The following KIF21A variants were observed in gnomAD, a reference collection of about 807,000 sequenced individuals.
KIF21A encodes kinesin family member 21A, also known as kinesin-like protein KIF21A.
A neutral mutation model predicts 202.9 loss-of-function variants in KIF21A; 114 were observed. The ratio of observed to expected loss-of-function variants is 0.56; its 90% CI spans 0.48 to 0.66. The LOEUF (loss-of-function observed/expected upper bound fraction) is 0.66. KIF21A is among the 30% of genes least tolerant of loss of function. KIF21A has a pLI of 0.00. For missense variants in KIF21A, 1,677 were observed against 1,994.9 expected (o/e 0.84, Z 3.04); for synonymous variants, 667 against 670.8 (o/e 0.99, Z 0.09).
Position 39,294,375 on chromosome 12 carries a change from T to C in KIF21A, c.*49A>G. 1 of 1,354,000 alleles carries C rather than the reference T, an allele frequency of 7.4e-7. No homozygotes were observed. Among genetic ancestry groups the C allele is most frequent in the Non-Finnish European group, 1.1e-6 (1 of 942,706 alleles). The allele number at this position is 1,354,000 out of a possible 1,614,324, so 83.9% of individuals were successfully genotyped here. On this transcript the variant is annotated 3_prime_UTR_variant, in exon 38 of 38. Transcript: ENST00000361418. ...ACAGGACAACATTTTCCATAAAGAA[T>C]ACAGAGTATTATCACAGCATTCAGT... is the stretch of plus-strand genomic sequence containing the variant.
chr12:39,440,843 A>C (rs1167826987), intron 1 of KIF21A, among the ~76,000 whole-genome samples: 1 of 152,032 alleles, frequency 6.6e-6, no homozygotes, highest in Non-Finnish European at 1.5e-5. Context: ...GGGAGGCCCC[A>C]TATCTACAAA....
intron 16 of KIF21A, among the ~76,000 whole-genome samples, chr12:39,339,251 A>AG: frequency 1.3e-5 from 2 of 151,174 alleles, no homozygotes; most frequent in Non-Finnish European, 2.9e-5. Context: ...AAAAAAAAAA[A>AG]GTGTACCATT....
In KIF21A at chr12:39,363,323, A is replaced by T. The variant is rs75366955; in HGVS notation, c.904-110T>A. ...AATATAGAGACATAATATAATTAAG[A>T]ATATTTGTGTTTGGTTTTGTTTTAC... On this transcript the variant is annotated intron_variant, in intron 6 of 37. Transcript: ENST00000361418. 467 of 670,848 alleles carry T rather than the reference A, an allele frequency of 7.0e-4. 5 individuals carry two copies. The East Asian group carries it at 0.013, about 19-fold the overall frequency. The allele number at this position is 670,848 out of a possible 1,614,324, so 41.6% of individuals were successfully genotyped here. A position where few individuals can be genotyped will look rare whatever the true frequency, so the allele number is the denominator to read the frequency against.
At chr12:39,350,470 A>G (rs190632513) in intron 11 of KIF21A, among the ~76,000 whole-genome samples, 1 of 152,178 alleles carries the variant, frequency 6.6e-6, no homozygotes, top group East Asian at 1.9e-4. Flanking sequence ...ATACCATTTG[A>G]CATTTTGACC....
At chr12:39,335,613 C>T (rs557666637) in intron 17 of KIF21A, among the ~76,000 whole-genome samples, 6 of 152,064 alleles carry the variant, frequency 3.9e-5, no homozygotes, top group Non-Finnish European at 7.4e-5. Flanking sequence ...TCATTGCACA[C>T]TTTTGTGAAT....
Position 39,312,641 on chromosome 12 carries a change from T to C in KIF21A, c.3960-1088A>G, listed in dbSNP as rs549285190. 3.9e-5 allele frequency: 6 copies of C among 152,100 alleles called. No homozygotes were observed. In the South Asian group the frequency reaches 1.2e-3, roughly 32 times the overall value. The allele number at this position is 152,100 out of a possible 1,614,324, so 9.4% of individuals were successfully genotyped here. On this transcript the variant is annotated intron_variant, in intron 31 of 37. Coordinates refer to ENST00000361418, the MANE Select transcript of KIF21A (RefSeq NM_001173464.2). Reference sequence around the variant, plus strand: ...ACATCTCATGTACTCCATAAATATATATCTACTATGTACCTGCAAAAATTT... The same window carrying C: ...ACATCTCATGTACTCCATAAATATACATCTACTATGTACCTGCAAAAATTT...
intron 1 of KIF21A, among the ~76,000 whole-genome samples, chr12:39,436,636 C>CAAA (rs113310174): frequency 9.4e-5 from 8 of 85,110 alleles, no homozygotes; most frequent in African/African-American, 2.7e-4. Flanking sequence ...TTAATAATTG[C>CAAA]AAAAAAAAAA....
At chr12:39,374,567 T>A (rs796901990) in intron 1 of KIF21A, among the ~76,000 whole-genome samples, 3 of 152,302 alleles carry the variant, frequency 2.0e-5, no homozygotes, top group African/African-American at 7.2e-5. Context: ...CATTAGCAAA[T>A]GATTCTTTGA....
intron 1 of KIF21A, among the ~76,000 whole-genome samples, chr12:39,404,367 G>T (rs1952419600): frequency 6.6e-6 from 1 of 152,112 alleles, no homozygotes; most frequent in South Asian, 2.1e-4. Context: ...GAAAATAATG[G>T]TAACTTGATT....
At chr12:39,397,620 C>A (rs1951857486) in intron 1 of KIF21A, among the ~76,000 whole-genome samples, 1 of 152,230 alleles carries the variant, frequency 6.6e-6, no homozygotes, top group Admixed American at 6.5e-5. Flanking sequence ...CTGGTACATA[C>A]TGTAGGTACT....
At chr12:39,382,423 AT>A (rs1365428943) in intron 1 of KIF21A, among the ~76,000 whole-genome samples, 1 of 152,166 alleles carries the variant, frequency 6.6e-6, no homozygotes, top group Non-Finnish European at 1.5e-5. Context: ...TATTGTGATG[AT>A]TCTAAGAACA....
intron 8 of KIF21A, 143 bp from the exon 9 acceptor site, chr12:39,357,580 C>A: frequency 1.4e-6 from 1 of 716,110 alleles, no homozygotes. Context: ...AATCCTTTCA[C>A]CTCTAGTAGA....
rs745377020 is a variant in KIF21A, at chr12:39,351,909, G to A, written c.1541C>T (p.Ala514Val). 1.5e-5 allele frequency: 24 copies of A among 1,613,064 alleles called. No individual in the cohort carries two copies. Among genetic ancestry groups the A allele is most frequent in the Middle Eastern group, 3.3e-4 (2 of 6,082 alleles). The change falls in exon 11 of 38, where the codon GCG (alanine) becomes GTG (valine). Residue 514 changes from alanine (A) to valine (V), a missense_variant. Physicochemically the swap from Ala to Val is moderately conservative, Grantham distance 64. Coordinates refer to ENST00000361418, the MANE Select transcript of KIF21A (RefSeq NM_001173464.2). ...RKNLTRATARAPYFSGSSTFS... is the reference protein window; with the variant it reads ...RKNLTRATARVPYFSGSSTFS... Reference sequence around the variant, plus strand: ...AGTTGATGATCCGCTGAAATATGGCGCTCTTGCTGTGGCTCTTGTCAAGTT... The same window carrying A: ...AGTTGATGATCCGCTGAAATATGGCACTCTTGCTGTGGCTCTTGTCAAGTT...
chr12:39,442,568 A>C lies in KIF21A; in HGVS notation c.44+359T>G, dbSNP rs1939791909. On this transcript the variant is annotated intron_variant, in intron 1 of 37. Transcript: ENST00000361418. This position sits in a 1 kb window ranked among gnomAD's most constrained non-coding sequence, Gnocchi z 5.0. ...CCCGCGCACAGGCAGCTCCTCCCGG[A>C]CAGGCGATAGCCCAAGGCGGCCAGA... Among the ~76,000 whole-genome samples, 1 of 152,184 alleles carries C rather than the reference A, an allele frequency of 6.6e-6. No homozygotes were observed. The highest frequency in any genetic ancestry group is 2.4e-5 in the African/African-American group (1 of 41,464).
rs554745078 is a variant in KIF21A at position 39,398,305 on chromosome 12, C to T, written c.45-28044G>A. Reference sequence around the variant, plus strand: ...ATGAACTCATGCACAAAGATATAAACACACAAAAAATAGGCCGGACATGGT... The same window carrying T: ...ATGAACTCATGCACAAAGATATAAATACACAAAAAATAGGCCGGACATGGT... On this transcript the variant is annotated intron_variant, in intron 1 of 37. Coordinates refer to ENST00000361418, the MANE Select transcript of KIF21A (RefSeq NM_001173464.2). Among the ~76,000 whole-genome samples the T allele has an allele frequency of 2.6e-5, 4 of 152,196 alleles. No homozygotes were observed. In the South Asian group the frequency reaches 8.3e-4, roughly 32 times the overall value.
rs183587078 is a variant in KIF21A, at chr12:39,325,673, A to C, written c.3456+166T>G. On this transcript the variant is annotated intron_variant, in intron 26 of 37. Transcript: ENST00000361418. ...TTTTTTAATATAAATTTTTTCAGTTACCACTTAAAGGGAAATATGATTAAA... is the reference window on the plus strand; with the variant it reads ...TTTTTTAATATAAATTTTTTCAGTTCCCACTTAAAGGGAAATATGATTAAA... Among the ~76,000 whole-genome samples, 384 of 151,920 alleles carry C rather than the reference A, an allele frequency of 2.5e-3. 1 individual carries two copies. Among genetic ancestry groups the C allele is most frequent in the South Asian group, 0.012 (56 of 4,806 alleles).
chr12:39,316,039 G>T, intron 29 of KIF21A, 69 bp from the exon 30 acceptor site: 1 of 1,052,352 alleles, frequency 9.5e-7, no homozygotes, highest in South Asian at 1.3e-5. Context: ...ACTGACTTTG[G>T]ACTCAAAATC....
chr12:39,310,378 A>G (rs543875001), intron 32 of KIF21A, among the ~76,000 whole-genome samples: 1 of 152,118 alleles, frequency 6.6e-6, no homozygotes, highest in East Asian at 1.9e-4. Flanking sequence ...TTTACTCTCA[A>G]TTCATAAGTT....
intron 24 of KIF21A, among the ~76,000 whole-genome samples, chr12:39,326,564 C>T (rs1437334113): frequency 6.6e-6 from 1 of 152,176 alleles, no homozygotes; most frequent in East Asian, 1.9e-4. Flanking sequence ...GAATGGTAAA[C>T]TGTAGAAGAG....
Sources: allele counts gnomAD v4.1 joint callset (sites outside exome capture counted in the v4.1 genomes callset), GRCh38; gene constraint gnomAD v4.1.1; non-coding constraint Gnocchi (gnomAD v3.1); transcripts MANE v1.5; gene names NCBI Gene and HGNC (gene_info 2026-07-23, HGNC 2026-07-21).